The following PLCE1 variants were observed in gnomAD, a reference collection of about 807,000 sequenced individuals.
The protein encoded by PLCE1 is 1-phosphatidylinositol 4,5-bisphosphate phosphodiesterase epsilon-1.
Under a neutral mutation model 242.8 loss-of-function variants are expected in PLCE1, and 119 were observed. The ratio of observed to expected loss-of-function variants is 0.49; its 90% confidence interval spans 0.42 to 0.57. The LOEUF is 0.57. Ranked by LOEUF, PLCE1 falls within the 20% of genes least tolerant of loss-of-function variation. PLCE1 has a pLI of 0.00. For synonymous variants in PLCE1, 945 were observed against 1,017.4 expected, an observed-to-expected ratio of 0.93 and a Z score of 1.35; for missense variants, 2,441 against 2,788.8, an observed-to-expected ratio of 0.88 and a Z score of 2.81.
chr10:94,206,104 T>C (rs1271588754), intron 4 of PLCE1, among the ~76,000 whole-genome samples: 2 of 151,992 alleles, frequency 1.3e-5, no homozygotes, highest in Non-Finnish European at 2.9e-5. Context: ...TGGGAAGTGT[T>C]GGGGAGGGGT....
At chr10:94,210,321 C>CA (rs58503103) in intron 4 of PLCE1, among the ~76,000 whole-genome samples, 1 of 151,860 alleles carries the variant, frequency 6.6e-6, no homozygotes, top group African/African-American at 2.4e-5. Context: ...CCTTTCTCTA[C>CA]AAAAAAAGCA....
chr10:94,313,848 G>A (rs559917837), intron 28 of PLCE1, among the ~76,000 whole-genome samples: 14 of 152,276 alleles, frequency 9.2e-5, no homozygotes, highest in Admixed American at 7.8e-4. Context: ...GATGGGCCAC[G>A]TGGACCAAGG....
intron 2 of PLCE1, among the ~76,000 whole-genome samples, chr10:94,117,509 C>A (rs529313650): frequency 6.6e-6 from 1 of 152,314 alleles, no homozygotes; most frequent in Admixed American, 6.5e-5. Flanking sequence ...TTTGTGCCGT[C>A]TTTGACATTA....
chr10:94,282,178 A>T (rs1269154312), intron 20 of PLCE1, among the ~76,000 whole-genome samples: 2 of 149,444 alleles, frequency 1.3e-5, no homozygotes, highest in East Asian at 3.9e-4. Context: ...TATCTCTGTG[A>T]TCTCTCATCC....
rs759458474 is a variant in PLCE1 at position 94,262,701 on chromosome 10, G to T, written c.4022G>T (p.Cys1341Phe). ...CTCGTGAATTGCCAAGGAGAACACT[G>T]CACTTATGATGAAATCCTCAGCATC... Reference protein sequence around the residue: ...DFLVNCQGEHCTYDEILSIIQ... With the variant: ...DFLVNCQGEHFTYDEILSIIQ... The change falls in exon 14 of 33, where the codon TGC (cysteine) becomes TTC (phenylalanine). Residue 1341 changes from cysteine to phenylalanine, a missense_variant. Cys to Phe is a radical substitution (Grantham distance 205). Coordinates refer to ENST00000371380, the MANE Select transcript of PLCE1 (RefSeq NM_016341.4). 1 of 1,613,738 alleles carries T rather than the reference G, an allele frequency of 6.2e-7. No homozygotes were observed. Among genetic ancestry groups the T allele is most frequent in the South Asian group, 1.1e-5 (1 of 91,076 alleles).
intron 4 of PLCE1, among the ~76,000 whole-genome samples, chr10:94,172,732 T>A (rs892967524): frequency 2.0e-5 from 3 of 152,164 alleles, no homozygotes; most frequent in Non-Finnish European, 2.9e-5. Flanking sequence ...GCTGAGACCC[T>A]CTAAGGATCC....
intron 7 of PLCE1, among the ~76,000 whole-genome samples, chr10:94,238,540 CCTGAAGATTAGGAACAT>C (rs1226568500): frequency 5.3e-5 from 8 of 152,216 alleles, no homozygotes; most frequent in African/African-American, 1.9e-4. Context: ...ATGTCTAACT[CCTGAAGATTAGGAACAT>C]CTGAATTCTG....
At chr10:93,998,422 C>T (rs1330332190) in intron 1 of PLCE1, among the ~76,000 whole-genome samples, 1 of 152,170 alleles carries the variant, frequency 6.6e-6, no homozygotes, top group Non-Finnish European at 1.5e-5. Context: ...CCCCACCTGA[C>T]TCCCTGAATC....
intron 5 of PLCE1, among the ~76,000 whole-genome samples, chr10:94,231,215 A>G (rs1176184218): frequency 1.3e-5 from 2 of 152,160 alleles, no homozygotes; most frequent in African/African-American, 4.8e-5. Context: ...TCTTTGCTGA[A>G]GTTTGCCCTT....
intron 4 of PLCE1, chr10:94,225,051 G>C (rs1246094833): frequency 6.6e-6 from 1 of 152,306 alleles, no homozygotes; most frequent in East Asian, 1.9e-4. Context: ...TCAGGACTGA[G>C]CTTGAGGGTG....
intron 3 of PLCE1, among the ~76,000 whole-genome samples, chr10:94,143,714 G>T (rs1424473852): frequency 6.6e-6 from 1 of 152,046 alleles, no homozygotes; most frequent in Admixed American, 6.5e-5. Context: ...TTAGATTTTG[G>T]TAATTGAATT....
chr10:94,280,130 C>T, intron 20 of PLCE1: 1 of 573,350 alleles, frequency 1.7e-6, no homozygotes, highest in Non-Finnish European at 3.1e-6. Flanking sequence ...TGGGAAGTTA[C>T]AGGGAGTCAT....
chr10:94,063,723 A>C (rs1028437539), intron 2 of PLCE1, among the ~76,000 whole-genome samples: 1 of 152,168 alleles, frequency 6.6e-6, no homozygotes, highest in African/African-American at 2.4e-5. Context: ...AATTAATTAC[A>C]GTTGTGAGAA....
intron 4 of PLCE1, among the ~76,000 whole-genome samples, chr10:94,197,021 A>G (rs1411266774): frequency 6.6e-6 from 1 of 152,172 alleles, no homozygotes; most frequent in Non-Finnish European, 1.5e-5. Flanking sequence ...CTCCTGGAAA[A>G]TAGTGATCTC....
intron 20 of PLCE1, among the ~76,000 whole-genome samples, chr10:94,282,284 C>A (rs1372011548): frequency 6.6e-6 from 1 of 151,628 alleles, no homozygotes; most frequent in East Asian, 1.9e-4. Context: ...TGCAAGAAAA[C>A]GCTAAGGAAG....
At chr10:94,313,795 T>C (rs898588374) in intron 28 of PLCE1, among the ~76,000 whole-genome samples, 10 of 152,176 alleles carry the variant, frequency 6.6e-5, no homozygotes, top group Admixed American at 3.3e-4. Flanking sequence ...GAATGGAATC[T>C]TCTTGCCATC....
chr10:94,258,528 C>G (rs1471107953), intron 11 of PLCE1, among the ~76,000 whole-genome samples: 2 of 152,140 alleles, frequency 1.3e-5, no homozygotes, highest in East Asian at 1.9e-4. Context: ...TTTCAAAGAA[C>G]TGATTTGATT....
chr10:94,130,823 G>A (rs2046578234), intron 2 of PLCE1, among the ~76,000 whole-genome samples: 1 of 152,170 alleles, frequency 6.6e-6, no homozygotes, highest in Non-Finnish European at 1.5e-5. Context: ...ACCTAGCACA[G>A]CTCAAGAGAG....
At position 94,034,738 on chromosome 10, in the gene PLCE1, C is replaced by T. The variant is rs561237113; in HGVS notation, c.1206+2486C>T. 5.9e-5 allele frequency among the ~76,000 whole-genome samples: 9 copies of T among 152,242 alleles called. No homozygotes were observed. The East Asian group carries it at 1.2e-3, about 20-fold the overall frequency. ...CCTCAGGCCCTTTGAATCAGAATCACTGGGGTAGGGCACAGCATGAATATT... is the reference window on the plus strand; with the variant it reads ...CCTCAGGCCCTTTGAATCAGAATCATTGGGGTAGGGCACAGCATGAATATT... On this transcript the variant is annotated intron_variant, in intron 2 of 32. Transcript: ENST00000371380.
Sources: allele counts gnomAD v4.1 joint callset (sites outside exome capture counted in the v4.1 genomes callset), GRCh38; gene constraint gnomAD v4.1.1; transcripts MANE v1.5; gene names NCBI Gene and HGNC (gene_info 2026-07-23, HGNC 2026-07-21).